The following PRR3 variants were observed in gnomAD, a reference collection of about 807,000 sequenced individuals.
PRR3 encodes the protein proline-rich protein 3.
In PRR3, 16 loss-of-function variants were observed where a neutral mutation model predicts 22.4. The ratio of observed to expected loss-of-function variants is 0.71; its 90% CI spans 0.48 to 1.09. The LOEUF (loss-of-function observed/expected upper bound fraction) is 1.09, where lower values mean the gene tolerates loss of function less well. PRR3 is among the 50% of genes least tolerant of loss of function. PRR3 has a pLI of 0.00. For synonymous variants in PRR3, 87 were observed against 88.6 expected (o/e 0.98, Z 0.10); for missense variants, 224 against 243.4 (o/e 0.92, Z 0.53).
Position 30,561,272 on chromosome 6 carries a change from A to G in PRR3, c.170-562A>G. 2 of 446,132 alleles carry G rather than the reference A, an allele frequency of 4.5e-6. No individual in the cohort carries two copies. Among genetic ancestry groups the G allele is most frequent in the Non-Finnish European group, 9.0e-6 (2 of 222,024 alleles). 27.6% of individuals were successfully genotyped at this position (446,132 alleles called of 1,614,324 possible). On this transcript the variant is annotated intron_variant, in intron 2 of 3. Coordinates refer to ENST00000376560, the MANE Select transcript of PRR3 (RefSeq NM_025263.4). The surrounding 1 kb of genome is among the most constrained non-coding windows in gnomAD (Gnocchi z 4.0). ...CTACGTATATATTCAACAGAAATGCATACGTATGTGTAACAACATGTATAA... is the reference window on the plus strand; with the variant it reads ...CTACGTATATATTCAACAGAAATGCGTACGTATGTGTAACAACATGTATAA...
In PRR3 at chr6:30,557,393, C is replaced by G; in HGVS notation, c.49C>G (p.Gln17Glu). ...TCATCACCAGCCACCGACACAGCAG[C>G]AGCCCCCGCTGCCCGAGCGGGAAGA... ...QNHHQPPTQQ[Q>E]PPLPEREETG... is the part of the protein sequence containing the mutation. Residue 17 changes from glutamine (Q) to glutamate (E), a missense_variant, in exon 1 of 4, where the codon CAG becomes GAG. Transcript: ENST00000376560. The G allele has an allele frequency of 6.2e-7, 1 of 1,612,778 alleles. No individual in the cohort carries two copies. Among genetic ancestry groups the G allele is most frequent in the Non-Finnish European group, 8.5e-7 (1 of 1,179,980 alleles).
Position 30,562,460 on chromosome 6 carries a change from T to TTAG in PRR3, c.533_534insAGT (p.Phe178delinsLeuVal). ...CTGTCGATATGAGGACCTCTGTGCC[T>TTAG]TCTACCATCCAGGCGTCAATGGACC... On this transcript the variant is annotated protein_altering_variant, in exon 4 of 4. Transcript: ENST00000376560. The TTAG allele has an allele frequency of 7.4e-6, 12 of 1,613,892 alleles. No homozygotes were observed. Among genetic ancestry groups the TTAG allele is most frequent in the Non-Finnish European group, 1.0e-5 (12 of 1,179,710 alleles).
In PRR3 at chr6:30,557,332, T is replaced by C; in HGVS notation, c.-13T>C. On this transcript the variant is annotated 5_prime_UTR_variant, in exon 1 of 4. Transcript: ENST00000376560. ...ACCCTCCAAATCCCGCTGCAGCCAT[T>C]GCCGCAGACACGATGCCGAAACGAA... 6.2e-7 allele frequency: 1 copy of C among 1,605,224 alleles called. No individual in the cohort carries two copies. Among genetic ancestry groups the C allele is most frequent in the South Asian group, 1.1e-5 (1 of 90,598 alleles).
intron 2 of PRR3, chr6:30,560,332 T>G (rs900664497): frequency 2.0e-5 from 3 of 152,054 alleles, no homozygotes; most frequent in African/African-American, 7.3e-5. Context: ...GCCACTGCAC[T>G]CCAGCCTGGA....
At chr6:30,562,206 C>G in intron 3 of PRR3, 82 bp downstream of exon 3, 1 of 1,452,670 alleles carries the variant, frequency 6.9e-7, no homozygotes, top group Non-Finnish European at 9.3e-7. Context: ...CTGGGCTTTC[C>G]TTTTTGCTTT....
chr6:30,562,188 A>C, intron 3 of PRR3, 64 bp downstream of exon 3: 1 of 1,474,044 alleles, frequency 6.8e-7, no homozygotes, highest in Non-Finnish European at 9.1e-7. Flanking sequence ...GATCATTCAC[A>C]ATCTTCTCTG....
intron 1 of PRR3, 48 bp from the exon 2 acceptor site, chr6:30,558,102 C>A (rs898758672): frequency 6.9e-7 from 1 of 1,445,420 alleles, no homozygotes; most frequent in Admixed American, 1.7e-5. Flanking sequence ...ACAGAATCAT[C>A]AGTCCTTTAA....
At chr6:30,557,061 TGTG>T (rs994374334), upstream of PRR3, 2 of 701,650 alleles carry the variant, frequency 2.9e-6, no homozygotes, top group East Asian at 2.7e-5. Flanking sequence ...AGGAGCTGGT[TGTG>T]GTGTTTTCCA....
intron 2 of PRR3, among the ~76,000 whole-genome samples, chr6:30,559,131 A>G (rs1308705105): frequency 6.6e-6 from 1 of 152,238 alleles, no homozygotes; most frequent in Non-Finnish European, 1.5e-5. Context: ...TAATCCCAGC[A>G]CTTTGGGAGG....
Position 30,562,436 on chromosome 6 carries a change from T to C in PRR3, c.508T>C (p.Cys170Arg), listed in dbSNP as rs762036998. The change falls in exon 4 of 4, where the codon TGT (cysteine) becomes CGT (arginine). Residue 170 changes from cysteine to arginine, a missense_variant. Coordinates refer to ENST00000376560, the MANE Select transcript of PRR3 (RefSeq NM_025263.4). ...VCRHFAKKGH[C>R]RYEDLCAFYH... The stretch of plus-strand genomic sequence containing the variant: ...CCGACATTTTGCCAAAAAGGGCCAC[T>C]GTCGATATGAGGACCTCTGTGCCTT... 6.2e-7 allele frequency: 1 copy of C among 1,614,228 alleles called. No homozygotes were observed. The highest frequency in any genetic ancestry group is 8.5e-7 in the Non-Finnish European group (1 of 1,180,024).
upstream of PRR3, chr6:30,557,056 C>T (rs1249416553): frequency 2.9e-6 from 2 of 701,546 alleles, no homozygotes; most frequent in Non-Finnish European, 2.6e-6. Context: ...CTCTGAGGAG[C>T]TGGTTGTGGT....
upstream of PRR3, chr6:30,556,743 C>T (rs1800238912): frequency 2.5e-6 from 1 of 399,180 alleles, no homozygotes; most frequent in South Asian, 2.3e-5. This position sits in a 1 kb window ranked among gnomAD's most constrained non-coding sequence, Gnocchi z 5.7. Flanking sequence ...CTGGACTACA[C>T]CGGGGGCACG....
At position 30,562,596 on chromosome 6, in the gene PRR3, C is replaced by G; in HGVS notation, c.*101C>G. ...TGGCTACTGTGAGGCTCTTCTAACACCCTCAGTCAGTGACACACCCATCCC... is the reference window on the plus strand; with the variant it reads ...TGGCTACTGTGAGGCTCTTCTAACAGCCTCAGTCAGTGACACACCCATCCC... On this transcript the variant is annotated 3_prime_UTR_variant, in exon 4 of 4. Coordinates refer to ENST00000376560, the MANE Select transcript of PRR3 (RefSeq NM_025263.4). The G allele has an allele frequency of 1.3e-6, 1 of 762,720 alleles. No individual in the cohort carries two copies. The highest frequency in any genetic ancestry group is 2.3e-6 in the Non-Finnish European group (1 of 444,224). The allele number at this position is 762,720 out of a possible 1,614,324, so 47.2% of individuals were successfully genotyped here.
Position 30,561,056 on chromosome 6 carries a change from C to A in PRR3, c.170-778C>A. 1 of 231,788 alleles carries A rather than the reference C, an allele frequency of 4.3e-6. No individual in the cohort carries two copies. Among genetic ancestry groups the A allele is most frequent in the East Asian group, 1.5e-4 (1 of 6,464 alleles). The allele number at this position is 231,788 out of a possible 1,614,324, so 14.4% of individuals were successfully genotyped here. A position where few individuals can be genotyped will look rare whatever the true frequency, so the allele number is the denominator to read the frequency against. Reference sequence around the variant, plus strand: ...CATTAAATAAATAATAATAACCAAACAAAAAAATAACCACCACTTTTCACA... The same window carrying A: ...CATTAAATAAATAATAATAACCAAAAAAAAAAATAACCACCACTTTTCACA... On this transcript the variant is annotated intron_variant, in intron 2 of 3. Coordinates refer to ENST00000376560, the MANE Select transcript of PRR3 (RefSeq NM_025263.4). The surrounding 1 kb of genome is among the most constrained non-coding windows in gnomAD (Gnocchi z 4.0).
chr6:30,559,608 CATTA>C (rs780392564), intron 2 of PRR3, among the ~76,000 whole-genome samples: 4 of 152,080 alleles, frequency 2.6e-5, no homozygotes, highest in African/African-American at 9.7e-5. Flanking sequence ...TACTCAATAT[CATTA>C]ATTGTCAAGT....
chr6:30,557,445 C>A lies in PRR3; in HGVS notation c.101C>A (p.Pro34His), dbSNP rs752401007. Residue 34 changes from proline (P) to histidine (H), a missense_variant, in exon 1 of 4, where the codon CCC becomes CAC. Physicochemically the swap from Pro to His is moderately conservative, Grantham distance 77 (BLOSUM62 -2). Coordinates refer to ENST00000376560, the MANE Select transcript of PRR3 (RefSeq NM_025263.4). ...ACTGGAGATGAGGAGGATGGGAGTC[C>A]CATCGGTGAGGGGTCTGGGAGGGAT... The part of the protein sequence containing the change: ...EETGDEEDGS[P>H]IGPPSLLGPP... 1 of 1,607,586 alleles carries A rather than the reference C, an allele frequency of 6.2e-7. No homozygotes were observed. Among genetic ancestry groups the A allele is most frequent in the South Asian group, 1.1e-5 (1 of 90,698 alleles).
At chr6:30,559,987 A>C (rs1275263915) in intron 2 of PRR3, 2 of 152,254 alleles carry the variant, frequency 1.3e-5, no homozygotes, top group Non-Finnish European at 2.9e-5. Flanking sequence ...AAGTGCTGTC[A>C]CATACTACAA....
At position 30,561,177 on chromosome 6, in the gene PRR3, GAAAA is replaced by G; in HGVS notation, c.170-652_170-649del. On this transcript the variant is annotated intron_variant, in intron 2 of 3. Coordinates refer to ENST00000376560, the MANE Select transcript of PRR3 (RefSeq NM_025263.4). The surrounding 1 kb of genome is among the most constrained non-coding windows in gnomAD (Gnocchi z 4.0). ...GAGTGCAAATTGGTATAACCACTGT[GAAAA>G]AAAAGTTTGGCATTATGTATGAAAC... The G allele has an allele frequency of 3.1e-6, 1 of 323,000 alleles. No homozygotes were observed. The highest frequency in any genetic ancestry group is 6.0e-6 in the Non-Finnish European group (1 of 166,384). The allele number at this position is 323,000 out of a possible 1,614,324, so 20.0% of individuals were successfully genotyped here. A position where few individuals can be genotyped will look rare whatever the true frequency, so the allele number is the denominator to read the frequency against.
At chr6:30,557,290 C>G, upstream of PRR3, 1 of 1,357,388 alleles carries the variant, frequency 7.4e-7, no homozygotes, top group Non-Finnish European at 1.0e-6. Context: ...AGAATCCCCG[C>G]GTGCCCCTTC....
Sources: gnomAD v4.1 joint callset for allele counts (sites outside exome capture counted in the v4.1 genomes callset) on GRCh38, gnomAD v4.1.1 for gene constraint, Gnocchi (gnomAD v3.1) non-coding constraint, MANE v1.5 for transcripts, NCBI Gene and HGNC (gene_info 2026-07-23, HGNC 2026-07-21) for gene names.